CLIP1: variants seen among roughly 807,000 people sequenced by gnomAD.
The protein encoded by CLIP1 is CAP-Gly domain containing linker protein 1, also known as CAP-Gly domain-containing linker protein 1.
A neutral mutation model predicts 161.6 loss-of-function variants in CLIP1; 66 were observed. The observed-to-expected ratio is 0.41, with a 90% CI of 0.33 to 0.50. The LOEUF is 0.50. Among genes scored for constraint, CLIP1 ranks in the 20% least tolerant of loss-of-function variants. CLIP1 has a pLI of 0.27. For synonymous variants in CLIP1, 598 were observed against 626.2 expected (o/e 0.96, Z 0.67); for missense variants, 1,376 against 1,702.0 (o/e 0.81, Z 3.37).
chr12:122,353,984 C>A lies in CLIP1; in HGVS notation c.1307+469G>T, dbSNP rs116686260. ...TTGAAAAAAGTCAAATCAAAGCAGA[C>A]GCTCTTCACACAGTATGGCAGAGTT... On this transcript the variant is annotated intron_variant, in intron 7 of 25. Coordinates refer to ENST00000620786, the MANE Select transcript of CLIP1 (RefSeq NM_001247997.2). Among the ~76,000 whole-genome samples, 1,304 of 152,194 alleles carry A rather than the reference C, an allele frequency of 8.6e-3. 16 individuals are homozygous for A. Among genetic ancestry groups the A allele is most frequent in the African/African-American group, 0.03 (1,246 of 41,530 alleles).
chr12:122,288,470 C>T lies in CLIP1; in HGVS notation c.3647+19G>A. 6.3e-7 allele frequency: 1 copy of T among 1,597,782 alleles called. No homozygotes were observed. The highest frequency in any genetic ancestry group is 8.5e-7 in the Non-Finnish European group (1 of 1,172,636). Reference sequence around the variant, plus strand: ...TCTTATTAAACACACACACATACAACAATAAACAGAAAGCTTACCTTTTTT... The same window carrying T: ...TCTTATTAAACACACACACATACAATAATAAACAGAAAGCTTACCTTTTTT... On this transcript the variant is annotated intron_variant, in intron 21 of 25. Coordinates refer to ENST00000620786, the MANE Select transcript of CLIP1 (RefSeq NM_001247997.2).
intron 1 of CLIP1, among the ~76,000 whole-genome samples, chr12:122,411,495 G>A (rs1162047093): frequency 6.6e-6 from 1 of 152,146 alleles, no homozygotes; most frequent in South Asian, 2.1e-4. Context: ...ACAATCCAAA[G>A]GTTCATCAAG....
At chr12:122,319,394 A>G (rs535550923) in intron 17 of CLIP1, 46 bp from the exon 18 acceptor site, 1 of 1,425,526 alleles carries the variant, frequency 7.0e-7, no homozygotes, top group South Asian at 1.1e-5. Context: ...GCCCTCGCCA[A>G]CACCGTTAGG....
At chr12:122,288,363 A>G in intron 21 of CLIP1, 126 bp downstream of exon 21, 1 of 804,840 alleles carries the variant, frequency 1.2e-6, no homozygotes, top group Non-Finnish European at 1.9e-6. Flanking sequence ...TACAAGTACC[A>G]AACTATCACA....
At chr12:122,367,508 G>A (rs1954227739) in intron 3 of CLIP1, among the ~76,000 whole-genome samples, 1 of 152,230 alleles carries the variant, frequency 6.6e-6, no homozygotes, top group East Asian at 1.9e-4. Flanking sequence ...ATCAAAAAAC[G>A]TGTTTACGCA....
chr12:122,272,605 A>C lies in CLIP1; in HGVS notation c.*270T>G. 3 of 397,608 alleles carry C rather than the reference A, an allele frequency of 7.5e-6. No individual in the cohort carries two copies. In the South Asian group the frequency reaches 1.1e-4, roughly 14 times the overall value. 24.6% of individuals were successfully genotyped at this position (397,608 alleles called of 1,614,324 possible). ...TTTTCTACAAGGTCGGGGGGCCAAT[A>C]AATGTAATGGCATCTGGTGCAATGT... On this transcript the variant is annotated 3_prime_UTR_variant, in exon 26 of 26. Transcript: ENST00000620786.
chr12:122,287,147 T>C (rs1955892104), intron 21 of CLIP1, among the ~76,000 whole-genome samples: 1 of 151,572 alleles, frequency 6.6e-6, no homozygotes, highest in African/African-American at 2.4e-5. Context: ...GCACTCCAAC[T>C]GGGGAGACAC....
intron 1 of CLIP1, among the ~76,000 whole-genome samples, chr12:122,404,908 A>AC (rs1956272193): frequency 6.7e-6 from 1 of 149,466 alleles, no homozygotes; most frequent in African/African-American, 2.5e-5. Flanking sequence ...TCAAAAAAAA[A>AC]AAACAAAACA....
chr12:122,305,939 G>A (rs768944547), intron 20 of CLIP1, among the ~76,000 whole-genome samples: 4 of 151,340 alleles, frequency 2.6e-5, no homozygotes, highest in Admixed American at 6.6e-5. Flanking sequence ...CTGGTGGCAC[G>A]CGCCTGTAGT....
In CLIP1 at chr12:122,272,764, G is replaced by A. The variant is rs1176438984; in HGVS notation, c.*111C>T. 27 of 884,286 alleles carry A rather than the reference G, an allele frequency of 3.1e-5. No homozygotes were observed. Among genetic ancestry groups the A allele is most frequent in the South Asian group, 2.7e-4 (17 of 63,176 alleles). The allele number at this position is 884,286 out of a possible 1,614,324, so 54.8% of individuals were successfully genotyped here. A position where few individuals can be genotyped will look rare whatever the true frequency, so the allele number is the denominator to read the frequency against. On this transcript the variant is annotated 3_prime_UTR_variant, in exon 26 of 26. Transcript: ENST00000620786. ...AAAATATTTTCCTAGATTTGTTGAC[G>A]GGGTTAAAAAATAACATGAGTTCTC...
chr12:122,315,145 A>G (rs943733622), intron 19 of CLIP1, among the ~76,000 whole-genome samples: 2 of 152,242 alleles, frequency 1.3e-5, no homozygotes, highest in Non-Finnish European at 2.9e-5. Flanking sequence ...TCCAAGCTCA[A>G]TCAACAAATA....
In CLIP1 at chr12:122,288,483, G is replaced by A; in HGVS notation, c.3647+6C>T. On this transcript the variant is annotated splice_donor_region_variant and intron_variant, in intron 21 of 25. Coordinates refer to ENST00000620786, the MANE Select transcript of CLIP1 (RefSeq NM_001247997.2). The stretch of plus-strand genomic sequence containing the variant: ...ACACACATACAACAATAAACAGAAA[G>A]CTTACCTTTTTTTCATTTCTAACAA... The A allele has an allele frequency of 2.5e-6, 4 of 1,604,962 alleles. No individual in the cohort carries two copies. Among genetic ancestry groups the A allele is most frequent in the South Asian group, 1.1e-5 (1 of 90,856 alleles).
At chr12:122,390,706 C>A in intron 1 of CLIP1, among the ~76,000 whole-genome samples, 1 of 151,242 alleles carries the variant, frequency 6.6e-6, no homozygotes, top group East Asian at 1.9e-4. Context: ...CTGTTGAAAC[C>A]ATTGACTGAC....
chr12:122,370,587 A>C (rs936981497), intron 3 of CLIP1, among the ~76,000 whole-genome samples: 3 of 152,176 alleles, frequency 2.0e-5, no homozygotes, highest in African/African-American at 4.8e-5. Context: ...AAATCCCCTT[A>C]AAAAGAAATA....
chr12:122,355,342 C>G lies in CLIP1; in HGVS notation c.1006-30G>C. 6.3e-7 allele frequency: 1 copy of G among 1,594,422 alleles called. No homozygotes were observed. Among genetic ancestry groups the G allele is most frequent in the Non-Finnish European group, 8.6e-7 (1 of 1,164,156 alleles). On this transcript the variant is annotated intron_variant, in intron 5 of 25. Transcript: ENST00000620786. The surrounding 1 kb of genome is among the most constrained non-coding windows in gnomAD (Gnocchi z 4.1). Reference sequence around the variant, plus strand: ...AAAGGAAAGTTAGAGAAATGAAGGGCGATGATGCTGTCAGAAAAGCGAGGG... The same window carrying G: ...AAAGGAAAGTTAGAGAAATGAAGGGGGATGATGCTGTCAGAAAAGCGAGGG...
At chr12:122,404,285 T>A (rs1179638858) in intron 1 of CLIP1, among the ~76,000 whole-genome samples, 1 of 152,174 alleles carries the variant, frequency 6.6e-6, no homozygotes, top group Non-Finnish European at 1.5e-5. Context: ...CAGTATCAAC[T>A]AGTAGGCTGA....
intron 1 of CLIP1, among the ~76,000 whole-genome samples, chr12:122,415,972 G>A (rs569753918): frequency 2.2e-4 from 34 of 152,286 alleles, no homozygotes; most frequent in Non-Finnish European, 3.8e-4. Context: ...TGGCACGGTG[G>A]CTCATGCCTG....
chr12:122,317,651 T>C (rs1951321523), intron 18 of CLIP1, among the ~76,000 whole-genome samples: 1 of 152,190 alleles, frequency 6.6e-6, no homozygotes, highest in Non-Finnish European at 1.5e-5. Context: ...ATGCTGGCTT[T>C]CTGGGCCTTG....
intron 7 of CLIP1, among the ~76,000 whole-genome samples, chr12:122,353,954 A>T (rs1050180637): frequency 5.7e-4 from 87 of 151,994 alleles, no homozygotes; most frequent in African/African-American, 2.1e-3. Flanking sequence ...ATGATTCCAA[A>T]CTTATTGAAA....
Sources: gnomAD v4.1 joint callset for allele counts (sites outside exome capture counted in the v4.1 genomes callset) on GRCh38, gnomAD v4.1.1 for gene constraint, Gnocchi (gnomAD v3.1) non-coding constraint, MANE v1.5 for transcripts, NCBI Gene and HGNC (gene_info 2026-07-23, HGNC 2026-07-21) for gene names.